The following HSPB8 variants were observed in gnomAD, a reference collection of about 807,000 sequenced individuals.
The protein encoded by HSPB8 is heat shock protein family B (small) member 8.
In HSPB8, 9 loss-of-function variants were observed where a neutral mutation model predicts 16.5. The observed-to-expected ratio is 0.55, with a 90% CI of 0.33 to 0.95. The LOEUF is 0.95. HSPB8 is among the 40% of genes least tolerant of loss of function. The pLI is 0.03. For missense variants in HSPB8, 238 were observed against 251.2 expected, an observed-to-expected ratio of 0.95 and a Z score of 0.35; for synonymous variants, 99 against 94.8, an observed-to-expected ratio of 1.04 and a Z score of -0.26.
intron 1 of HSPB8, 22 bp downstream of exon 1, chr12:119,179,701 G>T: frequency 7.1e-6 from 11 of 1,555,456 alleles, no homozygotes; most frequent in Non-Finnish European, 9.5e-6. Flanking sequence ...GCAGGAGGGA[G>T]AGAGAATGGG....
intron 2 of HSPB8, among the ~76,000 whole-genome samples, chr12:119,188,478 C>T (rs1257542959): frequency 6.6e-6 from 1 of 151,936 alleles, no homozygotes; most frequent in Admixed American, 6.6e-5. Context: ...GATCTCCTGA[C>T]TTCAAGTGAT....
chr12:119,193,472 G>A (rs994257352), intron 2 of HSPB8, among the ~76,000 whole-genome samples: 3 of 152,132 alleles, frequency 2.0e-5, no homozygotes, highest in Non-Finnish European at 4.4e-5. Flanking sequence ...TACTCTACAA[G>A]TTCAGTATTA....
At position 119,187,009 on chromosome 12, in the gene HSPB8, C is replaced by T. The variant is rs763148062; in HGVS notation, c.368-16C>T. The T allele has an allele frequency of 1.2e-6, 2 of 1,613,574 alleles. No homozygotes were observed. The highest frequency in any genetic ancestry group is 1.1e-5 in the South Asian group (1 of 91,078). ...GGAACATAGATGCTGACACGCCACA[C>T]TTTTCTTCCTTCCAGGCAAACATGA... On this transcript the variant is annotated splice_polypyrimidine_tract_variant and intron_variant, in intron 1 of 2. Coordinates refer to ENST00000281938, the MANE Select transcript of HSPB8 (RefSeq NM_014365.3).
intron 1 of HSPB8, chr12:119,182,335 T>C (rs1316349000): frequency 6.6e-6 from 1 of 152,082 alleles, no homozygotes; most frequent in Non-Finnish European, 1.5e-5. Flanking sequence ...TATCAGGAGC[T>C]CTATTTAAGA....
chr12:119,192,243 G>A (rs993320569), intron 2 of HSPB8, among the ~76,000 whole-genome samples: 59 of 152,190 alleles, frequency 3.9e-4, no homozygotes, highest in Non-Finnish European at 1.0e-4. Context: ...TGTTGAGCTT[G>A]TCATTTGATT....
Position 119,181,057 on chromosome 12 carries a change from C to T in HSPB8, c.367+1378C>T, listed in dbSNP as rs544875946. Reference sequence around the variant, plus strand: ...ACTTTGTGCTTCTGTTTTGTTTCCTCATCTGGAAATTAGGGTTCAAATGGT... The same window carrying T: ...ACTTTGTGCTTCTGTTTTGTTTCCTTATCTGGAAATTAGGGTTCAAATGGT... On this transcript the variant is annotated intron_variant, in intron 1 of 2. Transcript: ENST00000281938. 9.2e-5 allele frequency among the ~76,000 whole-genome samples: 14 copies of T among 152,302 alleles called. No homozygotes were observed. In the South Asian group the frequency reaches 1.7e-3, roughly 18 times the overall value.
intron 2 of HSPB8, among the ~76,000 whole-genome samples, chr12:119,190,032 G>A (rs867058455): frequency 1.3e-5 from 2 of 152,196 alleles, no homozygotes; most frequent in Admixed American, 6.5e-5. Context: ...GTAACTTGGG[G>A]CAACTTGCTT....
rs1954617631 is a variant in HSPB8, at chr12:119,179,207, G to A, written c.-106G>A. 1.7e-6 allele frequency: 2 copies of A among 1,205,488 alleles called. No individual in the cohort carries two copies. The highest frequency in any genetic ancestry group is 3.0e-5 in the African/African-American group (2 of 66,910). 74.7% of individuals were successfully genotyped at this position (1,205,488 alleles called of 1,614,324 possible). On this transcript the variant is annotated 5_prime_UTR_variant, in exon 1 of 3. Transcript: ENST00000281938. ...TCCCTGCAGAAAAGCAGCATTTTCGGAAGCTGAAGAATAAGCTAGCCCAGC... is the reference window on the plus strand; with the variant it reads ...TCCCTGCAGAAAAGCAGCATTTTCGAAAGCTGAAGAATAAGCTAGCCCAGC...
chr12:119,182,871 C>T (rs1032696499), intron 1 of HSPB8: 24 of 152,108 alleles, frequency 1.6e-4, no homozygotes, highest in African/African-American at 5.8e-4. Context: ...GAAAGTAACT[C>T]ACCTGAGATT....
intron 1 of HSPB8, among the ~76,000 whole-genome samples, chr12:119,180,105 C>A (rs909848283): frequency 6.6e-6 from 1 of 152,188 alleles, no homozygotes; most frequent in African/African-American, 2.4e-5. Context: ...ATAACCGCAA[C>A]TGGTTTCCGG....
At chr12:119,184,950 G>C (rs1049421454) in intron 1 of HSPB8, among the ~76,000 whole-genome samples, 1 of 152,104 alleles carries the variant, frequency 6.6e-6, no homozygotes, top group Non-Finnish European at 1.5e-5. Context: ...GTTAGCAAGA[G>C]AGAAAAATAA....
At chr12:119,189,847 G>A (rs113017998) in intron 2 of HSPB8, among the ~76,000 whole-genome samples, 173 of 152,252 alleles carry the variant, frequency 1.1e-3, no homozygotes, top group African/African-American at 3.6e-3. Flanking sequence ...CTTGTCCCCA[G>A]GACCCTCTAA....
chr12:119,185,754 G>C (rs1043094011), intron 1 of HSPB8, among the ~76,000 whole-genome samples: 4 of 152,078 alleles, frequency 2.6e-5, no homozygotes, highest in Non-Finnish European at 5.9e-5. Context: ...CATTATAAGA[G>C]TGAGCCACTA....
At chr12:119,188,298 G>A (rs1482835607) in intron 2 of HSPB8, among the ~76,000 whole-genome samples, 1 of 147,926 alleles carries the variant, frequency 6.8e-6, no homozygotes, top group Non-Finnish European at 1.5e-5. Context: ...CCAGGCTGGA[G>A]TGCAGTGGCA....
At chr12:119,186,934 G>A in intron 1 of HSPB8, 91 bp from the exon 2 acceptor site, 2 of 1,208,906 alleles carry the variant, frequency 1.7e-6, no homozygotes, top group Non-Finnish European at 2.5e-6. Context: ...CAGCAAGGCA[G>A]GTCCAGGGCC....
chr12:119,193,946 T>A lies in HSPB8; in HGVS notation c.*88T>A. 7.0e-7 allele frequency: 1 copy of A among 1,426,358 alleles called. No homozygotes were observed. Among genetic ancestry groups the A allele is most frequent in the Non-Finnish European group, 9.9e-7 (1 of 1,011,516 alleles). 88.4% of individuals were successfully genotyped at this position (1,426,358 alleles called of 1,614,324 possible). On this transcript the variant is annotated 3_prime_UTR_variant, in exon 3 of 3. Transcript: ENST00000281938. ...ACATTACTTTAGCTGAACTCAGATT[T>A]AGTGCAAGTAAAATGTTAGAGGGTG...
intron 1 of HSPB8, 123 bp downstream of exon 1, chr12:119,179,802 G>A: frequency 7.6e-7 from 1 of 1,310,716 alleles, no homozygotes; most frequent in Non-Finnish European, 1.0e-6. Flanking sequence ...GTGACCTCAG[G>A]GCTCAGGAAT....
In HSPB8 at chr12:119,194,428, G is replaced by A. The variant is rs1954732174; in HGVS notation, c.*570G>A. On this transcript the variant is annotated 3_prime_UTR_variant, in exon 3 of 3. Coordinates refer to ENST00000281938, the MANE Select transcript of HSPB8 (RefSeq NM_014365.3). The stretch of plus-strand genomic sequence containing the variant: ...AGTGCCTTCTGCCCTCTGCCCAGAT[G>A]TGTCCAGCACGTTCTCAAAGTTTCC... 5.3e-6 allele frequency: 1 copy of A among 188,528 alleles called. No homozygotes were observed. The highest frequency in any genetic ancestry group is 5.4e-5 in the Admixed American group (1 of 18,670). 11.7% of individuals were successfully genotyped at this position (188,528 alleles called of 1,614,324 possible).
intron 2 of HSPB8, among the ~76,000 whole-genome samples, chr12:119,188,328 C>T (rs925562242): frequency 2.0e-5 from 3 of 150,166 alleles, no homozygotes; most frequent in South Asian, 2.1e-4. Context: ...CTCACTGCAA[C>T]CTCTGCCTCC....
Sources: gnomAD v4.1 joint callset for allele counts (sites outside exome capture counted in the v4.1 genomes callset) on GRCh38, gnomAD v4.1.1 for gene constraint, MANE v1.5 for transcripts, NCBI Gene and HGNC (gene_info 2026-07-23, HGNC 2026-07-21) for gene names.